The following DMD variants were observed in gnomAD, a reference collection of about 807,000 sequenced individuals.
DMD encodes dystrophin.
Under a neutral mutation model 330.1 loss-of-function variants are expected in DMD, and 63 were observed. That is an observed-to-expected ratio of 0.19 (90% CI 0.16 to 0.24). The LOEUF is 0.24. DMD is among the 10% of genes least tolerant of loss of function. The pLI is 1.00. For missense variants in DMD, 3,344 were observed against 2,684.1 expected (o/e 1.25, Z -5.43); for synonymous variants, 1,223 against 959.8 (o/e 1.27, Z -5.07).
chrX:31,912,829 C>A (rs981994591), intron 47 of DMD, among the ~76,000 whole-genome samples: 8 of 112,207 alleles, frequency 7.1e-5, no homozygotes, highest in African/African-American at 1.9e-4. Flanking sequence ...TTGTGTAGTC[C>A]CTTCTCATTT....
chrX:31,222,034 T>G (rs1425077930), intron 64 of DMD, among the ~76,000 whole-genome samples: 1 of 109,684 alleles, frequency 9.1e-6, no homozygotes, highest in East Asian at 2.9e-4. Context: ...CTACTAAAAT[T>G]ACAAAAACAA....
chrX:32,248,332 A>G (rs935990380), intron 43 of DMD, among the ~76,000 whole-genome samples: 28 of 111,807 alleles, frequency 2.5e-4, no homozygotes, highest in African/African-American at 9.1e-4. Context: ...ACATTAGTTA[A>G]AACACTTATA....
chrX:33,086,051 T>C (rs944885764), intron 1 of DMD: 2 of 112,181 alleles, frequency 1.8e-5, no homozygotes, highest in East Asian at 2.8e-4. Flanking sequence ...CAAGCCAGAA[T>C]TGAGTAGAGC....
At chrX:31,437,883 C>CAT (rs1366989473) in intron 60 of DMD, among the ~76,000 whole-genome samples, 3 of 106,307 alleles carry the variant, frequency 2.8e-5, no homozygotes, top group Non-Finnish European at 5.8e-5. Flanking sequence ...ACATCTATAT[C>CAT]ATATATATAA....
At chrX:31,915,081 G>A (rs1468729160) in intron 47 of DMD, among the ~76,000 whole-genome samples, 1 of 112,307 alleles carries the variant, frequency 8.9e-6, no homozygotes, top group Non-Finnish European at 1.9e-5. Flanking sequence ...GGAGCAGATA[G>A]CATAACTTTC....
chrX:32,671,780 G>A (rs767649341), intron 9 of DMD, among the ~76,000 whole-genome samples: 5 of 111,607 alleles, frequency 4.5e-5, no homozygotes, highest in African/African-American at 1.6e-4. Flanking sequence ...TTTAAGACCA[G>A]TCATCTGTGA....
intron 1 of DMD, among the ~76,000 whole-genome samples, chrX:33,139,060 G>A (rs895495340): frequency 1.8e-5 from 2 of 111,122 alleles, no homozygotes; most frequent in Non-Finnish European, 3.8e-5. Flanking sequence ...TGTAATCCCA[G>A]CACTCCGAGA....
At chrX:33,192,859 C>T (rs911058184) in intron 1 of DMD, among the ~76,000 whole-genome samples, 11 of 111,993 alleles carry the variant, frequency 9.8e-5, no homozygotes, top group African/African-American at 3.6e-4. Context: ...TCTTACCTTG[C>T]GACTTATGCT....
At chrX:32,389,068 C>T (rs1234535118) in intron 32 of DMD, among the ~76,000 whole-genome samples, 4 of 111,304 alleles carry the variant, frequency 3.6e-5, no homozygotes, top group African/African-American at 1.3e-4. Flanking sequence ...CATTCACCAG[C>T]TGTTTGTCCT....
intron 2 of DMD, among the ~76,000 whole-genome samples, chrX:32,993,441 T>C (rs972266308): frequency 9.1e-6 from 1 of 109,474 alleles, no homozygotes; most frequent in African/African-American, 3.3e-5. Context: ...CCGTCTCTAC[T>C]AAAATACAAT....
intron 57 of DMD, among the ~76,000 whole-genome samples, chrX:31,493,048 A>G (rs184806222): frequency 1.4e-3 from 154 of 111,979 alleles, no homozygotes; most frequent in South Asian, 1.9e-3. Flanking sequence ...CTGTGCATCA[A>G]AGTAGCTCTA....
At chrX:32,348,959 TTAGAAAAACTA>T (rs1327917807) in intron 37 of DMD, among the ~76,000 whole-genome samples, 1 of 111,784 alleles carries the variant, frequency 8.9e-6, no homozygotes, top group Non-Finnish European at 1.9e-5. Context: ...CATCTTATCC[TTAGAAAAACTA>T]CATGGCAATC....
At chrX:31,468,345 C>T (rs999322674) in intron 59 of DMD, among the ~76,000 whole-genome samples, 4 of 111,756 alleles carry the variant, frequency 3.6e-5, no homozygotes, top group South Asian at 3.7e-4. Context: ...TAGCTGTGTC[C>T]CAGAGATTCT....
intron 62 of DMD, among the ~76,000 whole-genome samples, chrX:31,285,581 T>C (rs2053141873): frequency 8.9e-6 from 1 of 111,951 alleles, no homozygotes; most frequent in Non-Finnish European, 1.9e-5. Context: ...TTTTAGATAT[T>C]GATTTTCATT....
intron 4 of DMD, among the ~76,000 whole-genome samples, chrX:32,823,963 G>T (rs1182412311): frequency 8.9e-6 from 1 of 111,833 alleles, no homozygotes; most frequent in Non-Finnish European, 1.9e-5. Flanking sequence ...TTAAGGTGGA[G>T]TAAAGTTAAA....
At chrX:32,107,865 T>C (rs908080524) in intron 44 of DMD, among the ~76,000 whole-genome samples, 1 of 111,096 alleles carries the variant, frequency 9.0e-6, no homozygotes, top group East Asian at 2.8e-4. Flanking sequence ...ATCAAAGTAG[T>C]GGTAACAGTA....
chrX:32,226,696 A>G (rs951911890), intron 43 of DMD, among the ~76,000 whole-genome samples: 4 of 111,531 alleles, frequency 3.6e-5, no homozygotes, highest in African/African-American at 1.3e-4. Flanking sequence ...AGTCTCAGTT[A>G]TCTCACACAT....
At chrX:33,164,919 A>T (rs1472212980) in intron 1 of DMD, among the ~76,000 whole-genome samples, 1 of 59,070 alleles carries the variant, frequency 1.7e-5, no homozygotes, top group Non-Finnish European at 3.0e-5. Flanking sequence ...TGCTTTACTT[A>T]CTTTCTTTCT....
chrX:31,368,345 C>T (rs780161110), intron 60 of DMD, among the ~76,000 whole-genome samples: 7 of 111,843 alleles, frequency 6.3e-5, no homozygotes, highest in South Asian at 7.5e-4. Flanking sequence ...TGAATCTTTC[C>T]GACGTTGTGT....
Sources: allele counts gnomAD v4.1 joint callset (sites outside exome capture counted in the v4.1 genomes callset), GRCh38; gene constraint gnomAD v4.1.1; transcripts MANE v1.5; gene names NCBI Gene and HGNC (gene_info 2026-07-23, HGNC 2026-07-21).